Variants in ANGPT1 observed in about 807,000 individuals in gnomAD.
ANGPT1 encodes angiopoietin-1.
Under a neutral mutation model 62.2 loss-of-function variants are expected in ANGPT1, and 17 were observed. That is an observed-to-expected ratio of 0.27 (90% CI 0.19 to 0.41). The LOEUF is 0.41. Among genes scored for constraint, ANGPT1 ranks in the 10% least tolerant of loss-of-function variants. The probability of loss-of-function intolerance (pLI) is 1.00; values close to 1 mark genes in which losing one functional copy is unlikely to be tolerated. For missense variants in ANGPT1, 478 were observed against 594.9 expected, an observed-to-expected ratio of 0.80 and a Z score of 2.04; for synonymous variants, 199 against 198.9, an observed-to-expected ratio of 1.00 and a Z score of 0.00.
intron 1 of ANGPT1, among the ~76,000 whole-genome samples, chr8:107,467,061 G>T (rs1231171755): frequency 6.6e-6 from 1 of 151,992 alleles, no homozygotes; most frequent in African/African-American, 2.4e-5. Flanking sequence ...TCAACATCTT[G>T]CTTGGCTGAA....
rs374719073 is a variant in ANGPT1, at chr8:107,436,417, G to T, written c.297+60845C>A. Among the ~76,000 whole-genome samples the T allele has an allele frequency of 2.5e-4, 38 of 152,248 alleles. No individual in the cohort carries two copies. In the South Asian group the frequency reaches 7.7e-3, roughly 31 times the overall value. On this transcript the variant is annotated intron_variant, in intron 1 of 8. Transcript: ENST00000517746. ...ATATTATGTTCTTTTGGGCTTTGGTGCCCTTGGCAAACTGTACTGTCTATT... is the reference window on the plus strand; with the variant it reads ...ATATTATGTTCTTTTGGGCTTTGGTTCCCTTGGCAAACTGTACTGTCTATT...
chr8:107,251,734 T>C lies in ANGPT1; in HGVS notation c.*121A>G. ...AAGAACCTTGGTGACTTCACATAAC[T>C]ACCACTTATTGCTGGAAGGGAGACA... On this transcript the variant is annotated 3_prime_UTR_variant, in exon 9 of 9. Coordinates refer to ENST00000517746, the MANE Select transcript of ANGPT1 (RefSeq NM_001146.5). The C allele has an allele frequency of 8.0e-7, 1 of 1,256,074 alleles. No individual in the cohort carries two copies. The highest frequency in any genetic ancestry group is 1.5e-5 in the South Asian group (1 of 67,866). The allele number at this position is 1,256,074 out of a possible 1,614,324, so 77.8% of individuals were successfully genotyped here. A position where few individuals can be genotyped will look rare whatever the true frequency, so the allele number is the denominator to read the frequency against.
intron 1 of ANGPT1, among the ~76,000 whole-genome samples, chr8:107,457,584 A>G (rs919624310): frequency 1.3e-5 from 2 of 152,018 alleles, no homozygotes; most frequent in African/African-American, 2.4e-5. Flanking sequence ...GCCAATCCCA[A>G]CTTTTCTTTT....
At position 107,417,901 on chromosome 8, in the gene ANGPT1, C is replaced by T. The variant is rs1163698652; in HGVS notation, c.298-70804G>A. ...AGTCTACAGTGTGAAATGAGGGCCT[C>T]GGGGGACAGGGTTTCCCTCATAGTC... On this transcript the variant is annotated intron_variant, in intron 1 of 8. Coordinates refer to ENST00000517746, the MANE Select transcript of ANGPT1 (RefSeq NM_001146.5). Among the ~76,000 whole-genome samples the T allele has an allele frequency of 2.0e-5, 3 of 152,180 alleles. No homozygotes were observed. The East Asian group carries it at 5.8e-4, about 29-fold the overall frequency.
At chr8:107,307,511 C>T (rs1249995809) in intron 4 of ANGPT1, among the ~76,000 whole-genome samples, 1 of 152,066 alleles carries the variant, frequency 6.6e-6, no homozygotes, top group African/African-American at 2.4e-5. Context: ...AGATCAAAGC[C>T]ATTTGATATG....
chr8:107,285,697 A>C (rs1814123985), intron 6 of ANGPT1, among the ~76,000 whole-genome samples: 1 of 152,064 alleles, frequency 6.6e-6, no homozygotes, highest in Admixed American at 6.6e-5. Context: ...TTAATGTTGG[A>C]GATGTTAGTG....
At chr8:107,310,993 ATGTGTGTGAC>A (rs1563562815) in intron 4 of ANGPT1, among the ~76,000 whole-genome samples, 1 of 137,252 alleles carries the variant, frequency 7.3e-6, no homozygotes, top group African/African-American at 2.8e-5. Context: ...GTGTGTGTGT[ATGTGTGTGAC>A]TGTGTGTATG....
rs774473514 is a variant in ANGPT1, at chr8:107,321,997, T to C, written c.707A>G (p.Gln236Arg). 6.2e-7 allele frequency: 1 copy of C among 1,614,020 alleles called. No homozygotes were observed. The highest frequency in any genetic ancestry group is 8.5e-7 in the Non-Finnish European group (1 of 1,179,922). Reference protein sequence around the residue: ...QTYIIQELEKQLNRATTNNSV... With the variant: ...QTYIIQELEKRLNRATTNNSV... ...GTTGTTGGTGGTAGCTCTGTTTAAT[T>C]GCTTTTCCAGCTCCTGGATTATATA... is the stretch of plus-strand genomic sequence containing the variant. Residue 236 changes from glutamine to arginine, a missense_variant, in exon 4 of 9, where the codon CAA (glutamine) becomes CGA (arginine). Around this residue, in one of 4 missense-constraint regions of ANGPT1, gnomAD observed 343 missense variants for 355.4 expected, o/e 0.97. Coordinates refer to ENST00000517746, the MANE Select transcript of ANGPT1 (RefSeq NM_001146.5).
At chr8:107,464,678 C>G (rs1012137760) in intron 1 of ANGPT1, among the ~76,000 whole-genome samples, 1 of 152,106 alleles carries the variant, frequency 6.6e-6, no homozygotes, top group Admixed American at 6.6e-5. Flanking sequence ...CCCCAACTTC[C>G]TCTCCTTTGA....
chr8:107,350,613 C>G (rs943009076), intron 1 of ANGPT1, among the ~76,000 whole-genome samples: 2 of 151,992 alleles, frequency 1.3e-5, no homozygotes, highest in Admixed American at 1.3e-4. Flanking sequence ...TTCTGCTGAC[C>G]CTGTTGTAGA....
chr8:107,476,612 T>A (rs1357876592), intron 1 of ANGPT1, among the ~76,000 whole-genome samples: 1 of 147,258 alleles, frequency 6.8e-6, no homozygotes, highest in Non-Finnish European at 1.5e-5. Context: ...TAAATAAATT[T>A]GAAAGCACCT....
At chr8:107,303,436 T>C in intron 4 of ANGPT1, 69 bp from the exon 5 acceptor site, 1 of 1,323,058 alleles carries the variant, frequency 7.6e-7, no homozygotes. Context: ...CTGACTCCAA[T>C]AATAGCTAAG....
At chr8:107,314,380 C>T (rs62512845) in intron 4 of ANGPT1, among the ~76,000 whole-genome samples, 20,287 of 152,090 alleles carry the variant, frequency 0.13, 1,621 homozygotes, top group East Asian at 0.35. Context: ...AAATCTCCTC[C>T]GAAAGATGGG....
intron 1 of ANGPT1, among the ~76,000 whole-genome samples, chr8:107,386,210 A>G (rs1447559071): frequency 6.6e-6 from 1 of 152,050 alleles, no homozygotes; most frequent in Non-Finnish European, 1.5e-5. Flanking sequence ...GTGGACAAAA[A>G]GAAGGGAACA....
chr8:107,346,999 G>A lies in ANGPT1; in HGVS notation c.396C>T (p.Thr132=). ...NHTATMLEIG[T]SLLSQTAEQT... ...GCTCTGCAGTCTGAGAGAGGAGGCT[G>A]GTTCCTATCTCCAGCATGGTAGCCG... Residue 132 remains threonine (T), a synonymous_variant, in exon 2 of 9, where the codon ACC becomes ACT. Coordinates refer to ENST00000517746, the MANE Select transcript of ANGPT1 (RefSeq NM_001146.5). 6.2e-7 allele frequency: 1 copy of A among 1,613,862 alleles called. No individual in the cohort carries two copies. Among genetic ancestry groups the A allele is most frequent in the Non-Finnish European group, 8.5e-7 (1 of 1,179,888 alleles).
At chr8:107,331,425 CCT>C (rs1441093208) in intron 3 of ANGPT1, among the ~76,000 whole-genome samples, 4 of 152,018 alleles carry the variant, frequency 2.6e-5, no homozygotes, top group African/African-American at 9.7e-5. Flanking sequence ...CTGGTCTACC[CCT>C]TTCTTCAAAT....
Position 107,336,252 on chromosome 8 carries a change from C to A in ANGPT1, c.473G>T (p.Arg158Leu), listed in dbSNP as rs748052251. 6.2e-7 allele frequency: 1 copy of A among 1,600,676 alleles called. No homozygotes were observed. Among genetic ancestry groups the A allele is most frequent in the Admixed American group, 1.7e-5 (1 of 57,456 alleles). ...VETQVLNQTSRLEIQLLENSL... is the reference protein window; with the variant it reads ...VETQVLNQTSLLEIQLLENSL... The stretch of plus-strand genomic sequence containing the variant: ...ATTCTCCAGCAGCTGTATCTCAAGT[C>A]GAGAAGTTTGATTTAGTACCTTAAG... The change falls in exon 3 of 9, where the codon CGA becomes CTA. Residue 158 changes from arginine to leucine, a missense_variant. Coordinates refer to ENST00000517746, the MANE Select transcript of ANGPT1 (RefSeq NM_001146.5).
At chr8:107,451,552 A>G (rs1370866270) in intron 1 of ANGPT1, among the ~76,000 whole-genome samples, 1 of 151,980 alleles carries the variant, frequency 6.6e-6, no homozygotes, top group Non-Finnish European at 1.5e-5. Flanking sequence ...ATATGGTGAC[A>G]TTTATTCACT....
rs1232283524 is a variant in ANGPT1, at chr8:107,472,369, T to A, written c.297+24893A>T. On this transcript the variant is annotated intron_variant, in intron 1 of 8. Transcript: ENST00000517746. ...TCCACACTTAATGAGTGAGGAGTTA[T>A]GCTCACCTCCTTGGCGATAGAGAAG... is the stretch of plus-strand genomic sequence containing the variant. Among the ~76,000 whole-genome samples the A allele has an allele frequency of 3.3e-5, 5 of 152,192 alleles. No individual in the cohort carries two copies. The East Asian group carries it at 9.6e-4, about 29-fold the overall frequency.
Sources: allele counts gnomAD v4.1 joint callset (sites outside exome capture counted in the v4.1 genomes callset), GRCh38; gene constraint gnomAD v4.1.1; regional missense constraint gnomAD v4.1.1; transcripts MANE v1.5; gene names NCBI Gene and HGNC (gene_info 2026-07-23, HGNC 2026-07-21).